The following LPP variants were observed in gnomAD, a reference collection of about 807,000 sequenced individuals.
LPP encodes the protein LIM domain containing preferred translocation partner in lipoma.
Under a neutral mutation model 60.4 loss-of-function variants are expected in LPP, and 38 were observed. That is an observed-to-expected ratio of 0.63 (90% CI 0.49 to 0.83). The LOEUF (loss-of-function observed/expected upper bound fraction) is 0.83. LPP is among the 40% of genes least tolerant of loss of function. The pLI, the probability that LPP is intolerant of heterozygous loss-of-function variation, is 0.00. For synonymous variants in LPP, 328 were observed against 290.8 expected (o/e 1.13, Z -1.30); for missense variants, 902 against 783.6 (o/e 1.15, Z -1.80).
chr3:188,712,328 G>T (rs567020844), intron 8 of LPP: 2 of 152,348 alleles, frequency 1.3e-5, no homozygotes, highest in Non-Finnish European at 2.9e-5. Flanking sequence ...GGGTGTTCAG[G>T]ACACCCAAAT....
chr3:188,244,092 A>T (rs1577511574), intron 2 of LPP, among the ~76,000 whole-genome samples: 1 of 152,092 alleles, frequency 6.6e-6, no homozygotes, highest in Non-Finnish European at 1.5e-5. Flanking sequence ...GCTGGTCTCG[A>T]ACTCCTGGCC....
intron 9 of LPP, among the ~76,000 whole-genome samples, chr3:188,788,514 A>C (rs1213125862): frequency 6.6e-6 from 1 of 152,156 alleles, no homozygotes; most frequent in Non-Finnish European, 1.5e-5. Flanking sequence ...GCTTTTCCTC[A>C]TCATAGCATT....
At chr3:188,436,810 G>A (rs1034529366) in intron 4 of LPP, among the ~76,000 whole-genome samples, 9 of 152,170 alleles carry the variant, frequency 5.9e-5, no homozygotes, top group African/African-American at 2.2e-4. Flanking sequence ...AGTTTGTGTA[G>A]GTAAGATTGT....
chr3:188,258,654 G>A (rs1256818636), intron 2 of LPP, among the ~76,000 whole-genome samples: 1 of 152,174 alleles, frequency 6.6e-6, no homozygotes, highest in Non-Finnish European at 1.5e-5. Flanking sequence ...TGATTTGAAT[G>A]GGCTAGGTTG....
chr3:188,562,920 T>C (rs1309152073), intron 6 of LPP, among the ~76,000 whole-genome samples: 1 of 151,978 alleles, frequency 6.6e-6, no homozygotes, highest in Non-Finnish European at 1.5e-5. Flanking sequence ...CAGGGAAATT[T>C]GGGAAGTCAA....
intron 3 of LPP, among the ~76,000 whole-genome samples, chr3:188,353,393 A>G (rs999830918): frequency 6.6e-6 from 1 of 152,174 alleles, no homozygotes. Flanking sequence ...TTTGTGGAAA[A>G]ATGTTCTCAC....
At chr3:188,740,191 GT>G (rs1307010873) in intron 8 of LPP, among the ~76,000 whole-genome samples, 1 of 151,988 alleles carries the variant, frequency 6.6e-6, no homozygotes, top group Admixed American at 6.6e-5. Flanking sequence ...CAATTACTCT[GT>G]TTCCCTAGTT....
intron 4 of LPP, among the ~76,000 whole-genome samples, chr3:188,423,160 T>C (rs1204768412): frequency 6.6e-6 from 1 of 152,202 alleles, no homozygotes; most frequent in South Asian, 2.1e-4. Context: ...CCATGTGTTC[T>C]CACTGTTCAG....
intron 2 of LPP, among the ~76,000 whole-genome samples, chr3:188,265,600 G>C (rs1735211501): frequency 6.6e-6 from 1 of 152,146 alleles, no homozygotes; most frequent in Non-Finnish European, 1.5e-5. Flanking sequence ...GTGGGGATTG[G>C]GGGAAGGATA....
chr3:188,658,369 C>G (rs954303037), intron 7 of LPP, among the ~76,000 whole-genome samples: 4 of 152,032 alleles, frequency 2.6e-5, no homozygotes, highest in African/African-American at 4.8e-5. Context: ...TGGTCTCAAA[C>G]TCCTGACCTC....
intron 7 of LPP, among the ~76,000 whole-genome samples, chr3:188,627,639 T>C (rs1208036484): frequency 6.6e-6 from 1 of 152,076 alleles, no homozygotes; most frequent in African/African-American, 2.4e-5. Context: ...CACCCAGATT[T>C]ATAAAACAGG....
chr3:188,519,369 A>G (rs1490733984), intron 5 of LPP, among the ~76,000 whole-genome samples: 1 of 152,330 alleles, frequency 6.6e-6, no homozygotes, highest in Non-Finnish European at 1.5e-5. Flanking sequence ...TGGACTTTTT[A>G]TAAGACACCT....
intron 1 of LPP, among the ~76,000 whole-genome samples, chr3:188,199,799 C>T (rs1730551143): frequency 6.6e-6 from 1 of 151,860 alleles, no homozygotes. Context: ...ACTGCAACCT[C>T]CCCCTCCCAG....
At chr3:188,222,974 TG>T (rs1172531950) in intron 1 of LPP, among the ~76,000 whole-genome samples, 4 of 152,214 alleles carry the variant, frequency 2.6e-5, no homozygotes, top group African/African-American at 9.6e-5. Flanking sequence ...CATCTTCTTC[TG>T]CCATTTATGG....
At chr3:188,816,194 TTC>T (rs1752426517) in intron 9 of LPP, among the ~76,000 whole-genome samples, 2 of 140,580 alleles carry the variant, frequency 1.4e-5, no homozygotes, top group Admixed American at 8.0e-5. Context: ...TAAGGCTTCC[TTC>T]TCTTTTTTTT....
At position 188,610,519 on chromosome 3, in the gene LPP, T is replaced by C. The variant is rs1387771632; in HGVS notation, c.1113+675T>C. Among the ~76,000 whole-genome samples, 1 of 152,222 alleles carries C rather than the reference T, an allele frequency of 6.6e-6. No homozygotes were observed. The highest frequency in any genetic ancestry group is 1.9e-4 in the East Asian group (1 of 5,198). On this transcript the variant is annotated intron_variant, in intron 7 of 11. Transcript: ENST00000617246. This position sits in a 1 kb window ranked among gnomAD's most constrained non-coding sequence, Gnocchi z 4.4. ...TTGTTTGTGACCCCTTGTTTATTCATTTTACTAATCCTCCAGAAAGAATCT... is the reference window on the plus strand; with the variant it reads ...TTGTTTGTGACCCCTTGTTTATTCACTTTACTAATCCTCCAGAAAGAATCT...
intron 1 of LPP, among the ~76,000 whole-genome samples, chr3:188,172,477 C>G (rs1283074094): frequency 6.6e-6 from 1 of 152,118 alleles, no homozygotes; most frequent in African/African-American, 2.4e-5. Context: ...AAATATTAGC[C>G]ACTGTTATTA....
intron 6 of LPP, among the ~76,000 whole-genome samples, chr3:188,547,939 G>A (rs113211254): frequency 2.6e-5 from 4 of 152,274 alleles, no homozygotes; most frequent in South Asian, 2.1e-4. Flanking sequence ...CATGTCTAGT[G>A]TTGTGAAAAC....
At chr3:188,505,191 A>G (rs1362442554) in intron 5 of LPP, among the ~76,000 whole-genome samples, 3 of 152,176 alleles carry the variant, frequency 2.0e-5, no homozygotes, top group Non-Finnish European at 2.9e-5. Context: ...TGGCAGTGCA[A>G]TCGTTGTCTA....
Sources: gnomAD v4.1 joint callset for allele counts (sites outside exome capture counted in the v4.1 genomes callset) on GRCh38, gnomAD v4.1.1 for gene constraint, Gnocchi (gnomAD v3.1) non-coding constraint, MANE v1.5 for transcripts, NCBI Gene and HGNC (gene_info 2026-07-23, HGNC 2026-07-21) for gene names.